The following ZNF773 variants were observed in gnomAD, a reference collection of about 807,000 sequenced individuals.
The protein encoded by ZNF773 is zinc finger protein 419B.
A neutral mutation model predicts 12.8 loss-of-function variants in ZNF773; 11 were observed. The ratio of observed to expected loss-of-function variants is 0.86; its 90% confidence interval spans 0.54 to 1.42. The LOEUF (loss-of-function observed/expected upper bound fraction) is 1.42. Ranked by LOEUF, ZNF773 falls within the 40% of genes most tolerant of loss-of-function variation. ZNF773 has a pLI of 0.00. For missense variants in ZNF773, 518 were observed against 527.2 expected, an observed-to-expected ratio of 0.98 and a Z score of 0.17; for synonymous variants, 175 against 178.4, an observed-to-expected ratio of 0.98 and a Z score of 0.15.
chr19:57,509,906 C>G (rs990905007), downstream of ZNF773, among the ~76,000 whole-genome samples: 4 of 152,152 alleles, frequency 2.6e-5, no homozygotes, highest in African/African-American at 7.2e-5. Context: ...TATACAAACT[C>G]TTCCAAAAAG....
At chr19:57,518,175 G>A (rs1337954237) in exon 5 of ZNF773, 2 of 152,708 alleles carry the variant, frequency 1.3e-5, no homozygotes, top group Non-Finnish European at 2.9e-5. Flanking sequence ...ATGCTGGCAA[G>A]CTGACAACTG....
At chr19:57,511,742 CACAT>C (rs746343901), downstream of ZNF773, among the ~76,000 whole-genome samples, 5,416 of 150,298 alleles carry the variant, frequency 0.036, 310 homozygotes, top group African/African-American at 0.13. Flanking sequence ...CACACATACA[CACAT>C]ACACACACTC....
In ZNF773 at chr19:57,508,070, G is replaced by A; in HGVS notation, c.*646G>A. 1 of 580,796 alleles carries A rather than the reference G, an allele frequency of 1.7e-6. No individual in the cohort carries two copies. The highest frequency in any genetic ancestry group is 2.2e-6 in the Non-Finnish European group (1 of 460,896). 36.0% of individuals were successfully genotyped at this position (580,796 alleles called of 1,614,324 possible). A position where few individuals can be genotyped will look rare whatever the true frequency, so the allele number is the denominator to read the frequency against. On this transcript the variant is annotated 3_prime_UTR_variant, in exon 4 of 4. Coordinates refer to ENST00000282292, the MANE Select transcript of ZNF773 (RefSeq NM_198542.3). ...GCAGGAGATTTGCTTGAACCCGGGA[G>A]GCGGAGGTTGCATTGAGCCGAGATC...
chr19:57,502,184 C>T (rs1301076466), intron 1 of ZNF773, among the ~76,000 whole-genome samples: 2 of 152,022 alleles, frequency 1.3e-5, no homozygotes, highest in African/African-American at 2.4e-5. Flanking sequence ...TCAGGTGATC[C>T]GCCCACCTCT....
In ZNF773 at chr19:57,507,245, G is replaced by A; in HGVS notation, c.1150G>A (p.Glu384Lys). ...GCAACATCGAAAAGTTCACACTGGA[G>A]AAAAACCTTTTAAGTGCAATGAATG... ...LMQHRKVHTGEKPFKCNECGR... is the reference protein window; with the variant it reads ...LMQHRKVHTGKKPFKCNECGR... The change falls in exon 4 of 4, where the codon GAA becomes AAA. Residue 384 changes from glutamate (E) to lysine (K), a missense_variant. Glu to Lys is a moderately conservative substitution (Grantham distance 56). Coordinates refer to ENST00000282292, the MANE Select transcript of ZNF773 (RefSeq NM_198542.3). 1 of 1,610,996 alleles carries A rather than the reference G, an allele frequency of 6.2e-7. No individual in the cohort carries two copies. Among genetic ancestry groups the A allele is most frequent in the South Asian group, 1.1e-5 (1 of 90,972 alleles).
chr19:57,509,773 A>AT (rs2089781008), downstream of ZNF773, among the ~76,000 whole-genome samples: 1 of 152,202 alleles, frequency 6.6e-6, no homozygotes, highest in African/African-American at 2.4e-5. Flanking sequence ...AGTTGTTAGC[A>AT]TATTTAAGTT....
chr19:57,504,628 G>T (rs776431484), intron 1 of ZNF773, 29 bp from the exon 2 acceptor site: 1 of 1,611,814 alleles, frequency 6.2e-7, no homozygotes. Context: ...TAAGGAGACC[G>T]CAGATAAACT....
chr19:57,504,154 T>C (rs556700414), intron 1 of ZNF773, among the ~76,000 whole-genome samples: 9 of 152,102 alleles, frequency 5.9e-5, no homozygotes, highest in African/African-American at 2.2e-4. Context: ...TCAGTGCCAT[T>C]GGAGGTCTAG....
At chr19:57,512,952 G>A (rs751322497), downstream of ZNF773, 121 of 1,451,240 alleles carry the variant, frequency 8.3e-5, no homozygotes, top group Non-Finnish European at 1.0e-4. Flanking sequence ...TAGAAGCAAG[G>A]AGCCCTCTGA....
At chr19:57,514,931 T>A (rs1224737317), downstream of ZNF773, 1 of 152,254 alleles carries the variant, frequency 6.6e-6, no homozygotes, top group African/African-American at 2.4e-5. Flanking sequence ...ACAGACCTAT[T>A]TTACTGATGA....
downstream of ZNF773, chr19:57,508,457 A>G (rs2089770959): frequency 3.0e-6 from 2 of 666,408 alleles, no homozygotes; most frequent in Non-Finnish European, 5.4e-6. Flanking sequence ...ATAAATATTT[A>G]CTTGCCATAA....
At chr19:57,501,879 C>T (rs2089674600) in intron 1 of ZNF773, among the ~76,000 whole-genome samples, 2 of 152,186 alleles carry the variant, frequency 1.3e-5, no homozygotes, top group South Asian at 4.1e-4. Flanking sequence ...CCCTCCCCTT[C>T]CATTTGAGTT....
chr19:57,500,574 C>T (rs62126220), intron 1 of ZNF773, among the ~76,000 whole-genome samples: 4,133 of 129,526 alleles, frequency 0.032, 5 homozygotes, highest in African/African-American at 0.09. Context: ...GACTGGGCCA[C>T]AGAGGAGGGG....
At position 57,506,441 on chromosome 19, in the gene ZNF773, C is replaced by T; in HGVS notation, c.346C>T (p.Gln116Ter). ...GCCCAGTTCAAACGTTCAGCAACAC[C>T]AGAAGCAGCACTGTGGAGAGAAACC... ...EVPSSNVQQH[Q>*]KQHCGEKPLK... The change falls in exon 4 of 4, where the codon CAG (glutamine) becomes TAG (stop). Residue 116 changes from glutamine to a stop codon, truncating the protein, a stop_gained. Transcript: ENST00000282292. LOFTEE classifies it low-confidence loss of function (END_TRUNC). 1.2e-6 allele frequency: 2 copies of T among 1,614,212 alleles called. No homozygotes were observed. Among genetic ancestry groups the T allele is most frequent in the Non-Finnish European group, 1.7e-6 (2 of 1,180,038 alleles).
At chr19:57,509,216 A>G (rs1013821437), downstream of ZNF773, among the ~76,000 whole-genome samples, 3 of 152,222 alleles carry the variant, frequency 2.0e-5, no homozygotes, top group Non-Finnish European at 2.9e-5. Flanking sequence ...TTCTCTTACT[A>G]TACCATATCT....
At position 57,507,516 on chromosome 19, in the gene ZNF773, C is replaced by T; in HGVS notation, c.*92C>T. The stretch of plus-strand genomic sequence containing the variant: ...GTCTTGAAGGTTACTAATGGAAATC[C>T]ATTAGCTATACCTCCAAACTCATTC... On this transcript the variant is annotated 3_prime_UTR_variant, in exon 4 of 4. Transcript: ENST00000282292. 5 of 1,488,678 alleles carry T rather than the reference C, an allele frequency of 3.4e-6. No homozygotes were observed. The highest frequency in any genetic ancestry group is 1.4e-5 in the South Asian group (1 of 70,458). 92.2% of individuals were successfully genotyped at this position (1,488,678 alleles called of 1,614,324 possible).
intron 1 of ZNF773, among the ~76,000 whole-genome samples, chr19:57,502,677 G>GT (rs1044770620): frequency 5.9e-5 from 9 of 151,758 alleles, no homozygotes; most frequent in South Asian, 2.1e-4. Flanking sequence ...TGAAGTCTGC[G>GT]TTTTTTTTGT....
In ZNF773 at chr19:57,508,185, T is replaced by C; in HGVS notation, c.*761T>C. ...AAAAAAAACCCAGAAACTCTGAGGGTGATCTTTATGAGGGAGCTGGCAATT... is the reference window on the plus strand; with the variant it reads ...AAAAAAAACCCAGAAACTCTGAGGGCGATCTTTATGAGGGAGCTGGCAATT... On this transcript the variant is annotated 3_prime_UTR_variant, in exon 4 of 4. Transcript: ENST00000282292. 1 of 1,020,830 alleles carries C rather than the reference T, an allele frequency of 9.8e-7. No individual in the cohort carries two copies. Among genetic ancestry groups the C allele is most frequent in the Non-Finnish European group, 1.2e-6 (1 of 854,070 alleles). The allele number at this position is 1,020,830 out of a possible 1,614,324, so 63.2% of individuals were successfully genotyped here. A position where few individuals can be genotyped will look rare whatever the true frequency, so the allele number is the denominator to read the frequency against.
At chr19:57,503,678 A>G (rs2089694219) in intron 1 of ZNF773, among the ~76,000 whole-genome samples, 1 of 141,736 alleles carries the variant, frequency 7.1e-6, no homozygotes, top group Non-Finnish European at 1.5e-5. Flanking sequence ...TTTTTTTAAG[A>G]TGGAATTTTG....
Sources: gnomAD v4.1 joint callset for allele counts (sites outside exome capture counted in the v4.1 genomes callset) on GRCh38, gnomAD v4.1.1 for gene constraint, MANE v1.5 for transcripts, NCBI Gene and HGNC (gene_info 2026-07-23, HGNC 2026-07-21) for gene names.